Variants in PTPRZ1 observed in about 807,000 individuals in gnomAD.
PTPRZ1 encodes receptor-type tyrosine-protein phosphatase zeta.
PTPRZ1 carries 82 observed loss-of-function variants against 214.1 expected under a neutral mutation model. The observed-to-expected ratio is 0.38, with a 90% CI of 0.32 to 0.46. The LOEUF is 0.46. PTPRZ1 is among the 20% of genes least tolerant of loss of function. The pLI is 1.00. For synonymous variants in PTPRZ1, 945 were observed against 987.9 expected (o/e 0.96, Z 0.81); for missense variants, 2,603 against 2,748.7 (o/e 0.95, Z 1.19).
At chr7:121,978,971 C>T (rs137969246) in intron 6 of PTPRZ1, among the ~76,000 whole-genome samples, 247 of 152,206 alleles carry the variant, frequency 1.6e-3, no homozygotes, top group African/African-American at 5.4e-3. Flanking sequence ...TGCTGGCAAC[C>T]TTGAGGATCA....
chr7:121,962,762 C>G (rs1323955090), intron 2 of PTPRZ1, among the ~76,000 whole-genome samples: 1 of 151,864 alleles, frequency 6.6e-6, no homozygotes, highest in Middle Eastern at 3.2e-3. Context: ...GATGGGGTTT[C>G]ACCATATTGG....
At chr7:121,998,536 T>C (rs932809668) in intron 10 of PTPRZ1, among the ~76,000 whole-genome samples, 20 of 152,140 alleles carry the variant, frequency 1.3e-4, no homozygotes, top group African/African-American at 4.6e-4. Flanking sequence ...GCCCTTACTC[T>C]TCCCAAAAAT....
chr7:121,979,439 G>A (rs1563048183), intron 6 of PTPRZ1, among the ~76,000 whole-genome samples: 1 of 152,156 alleles, frequency 6.6e-6, no homozygotes, highest in Non-Finnish European at 1.5e-5. Flanking sequence ...CTGATTTATA[G>A]TGCTTTCTTA....
intron 8 of PTPRZ1, among the ~76,000 whole-genome samples, chr7:121,989,812 A>C (rs998666069): frequency 6.6e-6 from 1 of 152,250 alleles, no homozygotes; most frequent in African/African-American, 2.4e-5. Context: ...TATAAAGCGT[A>C]GAAAATATAG....
intron 15 of PTPRZ1, among the ~76,000 whole-genome samples, chr7:122,033,500 G>A (rs1799444365): frequency 6.6e-6 from 1 of 151,720 alleles, no homozygotes; most frequent in Non-Finnish European, 1.5e-5. Context: ...TTTACTTACT[G>A]AAGTTTAAAC....
At chr7:121,910,611 T>C (rs1795243906) in intron 1 of PTPRZ1, among the ~76,000 whole-genome samples, 1 of 151,910 alleles carries the variant, frequency 6.6e-6, no homozygotes, top group Non-Finnish European at 1.5e-5. Flanking sequence ...GTTGAAGGTA[T>C]CAATTAACTA....
At chr7:121,908,473 T>G (rs1353367792) in intron 1 of PTPRZ1, 2 of 391,944 alleles carry the variant, frequency 5.1e-6, no homozygotes, top group Non-Finnish European at 9.8e-6. Flanking sequence ...TTTGTTTGTG[T>G]TATATTTTAG....
Position 121,873,165 on chromosome 7 carries a change from C to A in PTPRZ1, c.-335C>A, listed in dbSNP as rs1793928447. 1 of 413,506 alleles carries A rather than the reference C, an allele frequency of 2.4e-6. No homozygotes were observed. The highest frequency in any genetic ancestry group is 2.1e-5 in the African/African-American group (1 of 48,750). 25.6% of individuals were successfully genotyped at this position (413,506 alleles called of 1,614,324 possible). On this transcript the variant is annotated 5_prime_UTR_variant, in exon 1 of 30. Transcript: ENST00000393386. ...TTCGCTGCTCTCGGAGCGCTCAGAC[C>A]GCGGCCGCCGCAGCCGGCGAAAGAG...
At chr7:121,882,391 A>G (rs939717971) in intron 1 of PTPRZ1, among the ~76,000 whole-genome samples, 1 of 152,152 alleles carries the variant, frequency 6.6e-6, no homozygotes, top group Non-Finnish European at 1.5e-5. Context: ...TTGGATATAG[A>G]CCATTCAGGA....
chr7:122,016,631 A>G (rs999370727), intron 12 of PTPRZ1, among the ~76,000 whole-genome samples: 9 of 151,924 alleles, frequency 5.9e-5, no homozygotes, highest in Admixed American at 5.9e-4. Flanking sequence ...GTGTGTATAC[A>G]GTGTCTGTAT....
chr7:121,961,255 G>A (rs1038888119), intron 2 of PTPRZ1, among the ~76,000 whole-genome samples: 4 of 152,104 alleles, frequency 2.6e-5, no homozygotes, highest in Non-Finnish European at 1.5e-5. Context: ...CCAGGCACAT[G>A]GATCATAATC....
In PTPRZ1 at chr7:121,890,913, A is replaced by G. The variant is rs188347725; in HGVS notation, c.58+17356A>G. ...GGCTAGTCTTGACTTCCTGGACTCA[A>G]GTGAACCTCCTGCCTCAGCCTCCCA... is the stretch of plus-strand genomic sequence containing the variant. On this transcript the variant is annotated intron_variant, in intron 1 of 29. Transcript: ENST00000393386. Among the ~76,000 whole-genome samples the G allele has an allele frequency of 3.6e-3, 549 of 152,054 alleles. 13 individuals carry two copies. Among genetic ancestry groups the G allele is most frequent in the Admixed American group, 0.032 (495 of 15,242 alleles).
chr7:122,044,506 T>C lies in PTPRZ1; in HGVS notation c.6022T>C (p.Tyr2008His). Residue 2008 changes from tyrosine (Y) to histidine (H), a missense_variant, in exon 23 of 30, where the codon TAT (tyrosine) becomes CAT (histidine). By Grantham distance (83) the Tyr-to-His change is moderately conservative. Transcript: ENST00000393386. ...GGTGCTGGACAGTCATATTCATGCC[T>C]ATGTTAATGCACTCCTCATTCCTGG... Reference protein sequence around the residue: ...TEVLDSHIHAYVNALLIPGPA... With the variant: ...TEVLDSHIHAHVNALLIPGPA... 2.5e-6 allele frequency: 4 copies of C among 1,613,916 alleles called. No homozygotes were observed. Among genetic ancestry groups the C allele is most frequent in the Non-Finnish European group, 3.4e-6 (4 of 1,179,816 alleles).
At chr7:121,948,305 A>G (rs1796447766) in intron 2 of PTPRZ1, among the ~76,000 whole-genome samples, 1 of 152,194 alleles carries the variant, frequency 6.6e-6, no homozygotes, top group Non-Finnish European at 1.5e-5. Flanking sequence ...ATTGCAGAGT[A>G]TGATAGCTAT....
chr7:121,973,057 G>A (rs182349751), intron 4 of PTPRZ1, among the ~76,000 whole-genome samples: 1 of 152,232 alleles, frequency 6.6e-6, no homozygotes, highest in African/African-American at 2.4e-5. Context: ...TATAAAAAAT[G>A]AGTGTGTAGT....
rs527890497 is a variant in PTPRZ1, at chr7:122,022,487, A to G, written c.4988+3219A>G. Among the ~76,000 whole-genome samples, 4 of 152,326 alleles carry G rather than the reference A, an allele frequency of 2.6e-5. No homozygotes were observed. The East Asian group carries it at 7.7e-4, about 29-fold the overall frequency. On this transcript the variant is annotated intron_variant, in intron 13 of 29. Transcript: ENST00000393386. ...GAAGGAAGAAGCTCCCCGTACAGAG[A>G]CAGAGGGAGGGGGCCTCCAAAGCTG...
chr7:122,043,934 A>T lies in PTPRZ1; in HGVS notation c.5938-488A>T, dbSNP rs141463860. 2.9e-4 allele frequency among the ~76,000 whole-genome samples: 44 copies of T among 152,324 alleles called. No individual in the cohort carries two copies. The East Asian group carries it at 7.7e-3, about 27-fold the overall frequency. ...CTTAAAATAAACATTAAAAAATAAC[A>T]TTCTGGTCATATAAGACCAAGAAAG... On this transcript the variant is annotated intron_variant, in intron 22 of 29. Coordinates refer to ENST00000393386, the MANE Select transcript of PTPRZ1 (RefSeq NM_002851.3).
chr7:121,888,364 C>G (rs535749584), intron 1 of PTPRZ1, among the ~76,000 whole-genome samples: 2 of 152,022 alleles, frequency 1.3e-5, no homozygotes, highest in Admixed American at 6.6e-5. Flanking sequence ...AAATAAAAGT[C>G]TATCAAGATG....
At chr7:121,950,364 A>G (rs1482561212) in intron 2 of PTPRZ1, among the ~76,000 whole-genome samples, 2 of 152,230 alleles carry the variant, frequency 1.3e-5, no homozygotes, top group African/African-American at 4.8e-5. Context: ...CAATCCTGAA[A>G]TTCTTTGATG....
Sources: gnomAD v4.1 joint callset for allele counts (sites outside exome capture counted in the v4.1 genomes callset) on GRCh38, gnomAD v4.1.1 for gene constraint, MANE v1.5 for transcripts, NCBI Gene and HGNC (gene_info 2026-07-23, HGNC 2026-07-21) for gene names.